Variants in DOCK1 observed in about 807,000 individuals in gnomAD.
The protein encoded by DOCK1 is dedicator of cytokinesis protein 1.
In DOCK1, 138 loss-of-function variants were observed where a neutral mutation model predicts 262.7. The observed-to-expected ratio is 0.53, with a 90% CI of 0.46 to 0.61. DOCK1 has a LOEUF of 0.61. Ranked by LOEUF, DOCK1 falls within the 20% of genes least tolerant of loss-of-function variation. The pLI, the probability that DOCK1 is intolerant of heterozygous loss-of-function variation, is 0.00. For missense variants in DOCK1, 1,908 were observed against 2,370.7 expected, an observed-to-expected ratio of 0.80 and a Z score of 4.05; for synonymous variants, 866 against 867.4, an observed-to-expected ratio of 1.00 and a Z score of 0.03.
intron 47 of DOCK1, among the ~76,000 whole-genome samples, chr10:127,429,179 C>G (rs1049186351): frequency 2.0e-5 from 3 of 152,200 alleles, no homozygotes; most frequent in Admixed American, 2.0e-4. Context: ...CCTCCCCACC[C>G]TTCTCTGTAG....
At chr10:126,931,848 A>T (rs2034214141) in intron 1 of DOCK1, among the ~76,000 whole-genome samples, 1 of 152,130 alleles carries the variant, frequency 6.6e-6, no homozygotes. Flanking sequence ...GAAAGTGCTT[A>T]ATCTTGTGCC....
In DOCK1 at chr10:127,129,014, C is replaced by T. The variant is rs561921749; in HGVS notation, c.2847+1250C>T. 9.2e-5 allele frequency among the ~76,000 whole-genome samples: 14 copies of T among 152,168 alleles called. No individual in the cohort carries two copies. The East Asian group carries it at 9.7e-4, about 11-fold the overall frequency. On this transcript the variant is annotated intron_variant, in intron 27 of 51. Coordinates refer to ENST00000623213, the MANE Select transcript of DOCK1 (RefSeq NM_001290223.2). ...ACCCTGGTCCTTCCTGGTGCGTGAC[C>T]GTTGTTCTTGTTGCATATCTGGGGT...
intron 11 of DOCK1, among the ~76,000 whole-genome samples, chr10:127,010,966 T>G (rs1377766259): frequency 6.6e-6 from 1 of 151,174 alleles, no homozygotes; most frequent in Non-Finnish European, 1.5e-5. Context: ...AAACCCAACC[T>G]GAGGGATTGT....
In DOCK1 at chr10:127,444,391, A is replaced by T. The variant is rs529835451; in HGVS notation, c.5413+112A>T. On this transcript the variant is annotated intron_variant, in intron 50 of 51. Coordinates refer to ENST00000623213, the MANE Select transcript of DOCK1 (RefSeq NM_001290223.2). ...CCCTCCCCTTGCAGCAGAGGGTGGG[A>T]GTTTAGATAAACACCTGGCTCCCTG... 572 of 1,327,388 alleles carry T rather than the reference A, an allele frequency of 4.3e-4. 1 individual carries two copies. The highest frequency in any genetic ancestry group is 5.5e-4 in the Non-Finnish European group (550 of 993,238). The allele number at this position is 1,327,388 out of a possible 1,614,324, so 82.2% of individuals were successfully genotyped here.
At chr10:127,292,367 G>A (rs983239100) in intron 29 of DOCK1, among the ~76,000 whole-genome samples, 9 of 152,038 alleles carry the variant, frequency 5.9e-5, no homozygotes, top group Non-Finnish European at 8.8e-5. Context: ...GGTTGGGAGC[G>A]CTCTCCACTG....
chr10:127,046,491 C>A (rs1219181972), intron 21 of DOCK1, among the ~76,000 whole-genome samples: 3 of 152,148 alleles, frequency 2.0e-5, no homozygotes, highest in African/African-American at 7.2e-5. Flanking sequence ...TGGTGGCTCA[C>A]ACCTGTAATC....
At chr10:126,922,125 T>C (rs1346471457) in intron 1 of DOCK1, among the ~76,000 whole-genome samples, 1 of 148,710 alleles carries the variant, frequency 6.7e-6, no homozygotes, top group African/African-American at 2.5e-5. Context: ...GGTGGGAGGA[T>C]TATGTCCCTG....
intron 27 of DOCK1, among the ~76,000 whole-genome samples, chr10:127,213,086 T>TA (rs1373868241): frequency 1.3e-5 from 2 of 152,352 alleles, no homozygotes; most frequent in Admixed American, 1.3e-4. Context: ...CTGTATGTCT[T>TA]TAGACACCTT....
At chr10:127,330,187 G>A (rs930318266) in intron 29 of DOCK1, among the ~76,000 whole-genome samples, 1 of 152,180 alleles carries the variant, frequency 6.6e-6, no homozygotes, top group African/African-American at 2.4e-5. Context: ...AAAGAAAGTA[G>A]ATGAAGAACT....
intron 31 of DOCK1, among the ~76,000 whole-genome samples, chr10:127,351,167 C>T (rs1205076062): frequency 1.3e-5 from 2 of 152,130 alleles, no homozygotes; most frequent in Non-Finnish European, 2.9e-5. Context: ...CGGGTTACAG[C>T]CTGGATGTGG....
At chr10:127,300,694 G>A (rs1433148391) in intron 29 of DOCK1, among the ~76,000 whole-genome samples, 1 of 152,100 alleles carries the variant, frequency 6.6e-6, no homozygotes, top group Non-Finnish European at 1.5e-5. Flanking sequence ...AGTTTTTCTT[G>A]GGCCTTTTTC....
At chr10:127,185,990 G>A (rs894828486) in intron 27 of DOCK1, among the ~76,000 whole-genome samples, 2 of 152,162 alleles carry the variant, frequency 1.3e-5, no homozygotes, top group African/African-American at 4.8e-5. Flanking sequence ...CCAAGATATG[G>A]TAGTGGCAAA....
intron 1 of DOCK1, among the ~76,000 whole-genome samples, chr10:126,934,643 T>G (rs2034430101): frequency 6.6e-6 from 1 of 152,214 alleles, no homozygotes; most frequent in African/African-American, 2.4e-5. Flanking sequence ...TTTTTCCTGT[T>G]GAAAAGATGT....
intron 49 of DOCK1, among the ~76,000 whole-genome samples, chr10:127,440,872 A>G (rs867742595): frequency 1.1e-4 from 17 of 152,222 alleles, no homozygotes; most frequent in African/African-American, 3.9e-4. Flanking sequence ...CGTCCAGCAG[A>G]TTGAGGGGTT....
At chr10:127,428,939 C>T (rs1414341814) in intron 47 of DOCK1, among the ~76,000 whole-genome samples, 11 of 100,636 alleles carry the variant, frequency 1.1e-4, no homozygotes, top group South Asian at 3.5e-4. Context: ...TGGATTGTGC[C>T]GTGTGGATTG....
intron 13 of DOCK1, among the ~76,000 whole-genome samples, chr10:127,019,539 G>A (rs1328419246): frequency 3.7e-5 from 2 of 54,382 alleles, no homozygotes; most frequent in Non-Finnish European, 7.4e-5. Flanking sequence ...ACTTGAACTC[G>A]GGTTCGAGAC....
At chr10:126,990,391 C>A in intron 5 of DOCK1, 64 bp from the exon 6 acceptor site, 2 of 1,496,628 alleles carry the variant, frequency 1.3e-6, no homozygotes, top group South Asian at 1.3e-5. Flanking sequence ...GATAGCCATT[C>A]TCTACCATCT....
chr10:126,919,363 T>G (rs2032936256), intron 1 of DOCK1, among the ~76,000 whole-genome samples: 1 of 152,230 alleles, frequency 6.6e-6, no homozygotes, highest in Admixed American at 6.5e-5. Flanking sequence ...CTAATTGCTG[T>G]GCTTCTATTA....
intron 38 of DOCK1, 46 bp downstream of exon 38, chr10:127,384,955 C>T (rs1472985594): frequency 1.3e-6 from 2 of 1,527,566 alleles, no homozygotes; most frequent in Admixed American, 4.3e-5. Context: ...TTTCCATGCA[C>T]CTACCTGCAG....
Sources: allele counts gnomAD v4.1 joint callset (sites outside exome capture counted in the v4.1 genomes callset), GRCh38; gene constraint gnomAD v4.1.1; transcripts MANE v1.5; gene names NCBI Gene and HGNC (gene_info 2026-07-23, HGNC 2026-07-21).